Variants in WNK2 observed in about 807,000 individuals in gnomAD.
WNK2 encodes the protein serine/threonine-protein kinase WNK2.
A neutral mutation model predicts 192.1 loss-of-function variants in WNK2; 67 were observed. The ratio of observed to expected loss-of-function variants is 0.35; its 90% CI spans 0.29 to 0.43. WNK2 has a LOEUF of 0.43. WNK2 is among the 20% of genes least tolerant of loss of function. The pLI is 1.00. For missense variants in WNK2, 2,698 were observed against 3,089.7 expected (o/e 0.87, Z 3.01); for synonymous variants, 1,439 against 1,393.9 (o/e 1.03, Z -0.72).
chr9:93,302,342 C>T (rs1256630836), intron 26 of WNK2, among the ~76,000 whole-genome samples: 1 of 151,766 alleles, frequency 6.6e-6, no homozygotes, highest in Non-Finnish European at 1.5e-5. Context: ...ACGCTGAGGT[C>T]GGTGTATGGA....
intron 2 of WNK2, among the ~76,000 whole-genome samples, chr9:93,211,464 T>G (rs1255372078): frequency 7.3e-6 from 1 of 136,358 alleles, no homozygotes; most frequent in Admixed American, 7.2e-5. Flanking sequence ...ACCCACTCAT[T>G]CACTCCCATC....
chr9:93,259,141 C>A lies in WNK2; in HGVS notation c.2593C>A (p.Pro865Thr), dbSNP rs45534637. The A allele has an allele frequency of 1.9e-6, 3 of 1,611,458 alleles. No homozygotes were observed. The highest frequency in any genetic ancestry group is 2.7e-5 in the African/African-American group (2 of 74,846). The change falls in exon 12 of 30, where the codon CCT (proline) becomes ACT (threonine). Residue 865 changes from proline to threonine, a missense_variant. Pro to Thr is a conservative substitution (Grantham distance 38). This residue lies in a region of WNK2 where 893 missense variants were observed against 909.0 expected (regional missense o/e 0.98). Transcript: ENST00000427277. This position sits in a 1 kb window ranked among gnomAD's most constrained non-coding sequence, Gnocchi z 4.8. ...PLQAVKLPHP[P>T]GAPLAMPCRT... ...GCAGGCTGTGAAGCTGCCCCACCCC[C>A]CTGGGGCGCCCCTGGCCATGCCCTG...
chr9:93,187,481 C>T (rs972950124), intron 2 of WNK2, among the ~76,000 whole-genome samples: 4 of 152,156 alleles, frequency 2.6e-5, no homozygotes, highest in African/African-American at 9.7e-5. Flanking sequence ...ACATTTGTCC[C>T]TAGTCGATGT....
chr9:93,253,031 C>T lies in WNK2; in HGVS notation c.1983C>T (p.Val661=), dbSNP rs759202676. ...VCSPPVSEGP[V]LPQSLPSLGA... Reference sequence around the variant, plus strand: ...GCCCCCCTGTGAGCGAGGGGCCCGTCCTGCCGCAGAGCCTGCCCTCGCTGG... The same window carrying T: ...GCCCCCCTGTGAGCGAGGGGCCCGTTCTGCCGCAGAGCCTGCCCTCGCTGG... The change falls in exon 9 of 30, where the codon GTC becomes GTT. Residue 661 remains valine, a synonymous_variant. Coordinates refer to ENST00000427277, the MANE Select transcript of WNK2 (RefSeq NM_006648.4). The T allele has an allele frequency of 9.7e-6, 15 of 1,543,528 alleles. No homozygotes were observed. Among genetic ancestry groups the T allele is most frequent in the Admixed American group, 2.0e-5 (1 of 49,816 alleles).
intron 29 of WNK2, chr9:93,318,078 G>T: frequency 6.2e-7 from 1 of 1,607,510 alleles, no homozygotes. Flanking sequence ...TACTTGAGTT[G>T]ATGGTTAGAA....
At chr9:93,242,365 G>A (rs576235712) in intron 7 of WNK2, among the ~76,000 whole-genome samples, 1 of 152,364 alleles carries the variant, frequency 6.6e-6, no homozygotes, top group South Asian at 2.1e-4. Flanking sequence ...TAATGGGGTT[G>A]ATGAGCTCTG....
chr9:93,207,765 C>T (rs1335178420), intron 2 of WNK2, among the ~76,000 whole-genome samples: 1 of 152,274 alleles, frequency 6.6e-6, no homozygotes, highest in Non-Finnish European at 1.5e-5. Context: ...GCTGCCGGCA[C>T]CCACGCCCTC....
intron 2 of WNK2, among the ~76,000 whole-genome samples, chr9:93,212,136 G>A (rs1262767201): frequency 6.6e-6 from 1 of 152,172 alleles, no homozygotes; most frequent in African/African-American, 2.4e-5. Flanking sequence ...TTATTCACTG[G>A]CTTATTAATT....
At chr9:93,255,907 G>A (rs1160090960) in intron 9 of WNK2, among the ~76,000 whole-genome samples, 1 of 152,118 alleles carries the variant, frequency 6.6e-6, no homozygotes. Context: ...TCCAGGGCCC[G>A]TTTCTCTCCA....
intron 2 of WNK2, among the ~76,000 whole-genome samples, chr9:93,219,196 C>G (rs1836341540): frequency 6.6e-6 from 1 of 152,266 alleles, no homozygotes; most frequent in Non-Finnish European, 1.5e-5. Context: ...GGCCCTCTGA[C>G]AAGGTAGCTT....
chr9:93,275,066 GA>G (rs1846609799), intron 19 of WNK2, among the ~76,000 whole-genome samples: 3 of 152,094 alleles, frequency 2.0e-5, no homozygotes, highest in Non-Finnish European at 4.4e-5. Context: ...ATATTAAAAG[GA>G]CAGTGTGCCA....
chr9:93,186,609 GCAAGCTGTGTTCTGGGGCCGCTGGC>G (rs1829385121), intron 2 of WNK2, among the ~76,000 whole-genome samples: 1 of 152,232 alleles, frequency 6.6e-6, no homozygotes, highest in African/African-American at 2.4e-5. Context: ...GCTAGCTGGG[GCAAGCTGTGTTCTGGGGCCGCTGGC>G]CACACTGCGG....
intron 19 of WNK2, among the ~76,000 whole-genome samples, chr9:93,280,553 T>C (rs776088132): frequency 3.9e-5 from 6 of 152,220 alleles, no homozygotes; most frequent in South Asian, 2.1e-4. Flanking sequence ...TGCAAAGGAA[T>C]GTTCATAGCA....
At chr9:93,189,642 A>G (rs995208271) in intron 2 of WNK2, among the ~76,000 whole-genome samples, 5 of 152,196 alleles carry the variant, frequency 3.3e-5, no homozygotes, top group African/African-American at 7.2e-5. Flanking sequence ...CCATCCTCCA[A>G]GGACAGCCCA....
In WNK2 at chr9:93,258,976, A is replaced by T. The variant is rs1365114099; in HGVS notation, c.2428A>T (p.Ile810Phe). Reference protein sequence around the residue: ...VVPPITPLAGIDGLPPALPDL... With the variant: ...VVPPITPLAGFDGLPPALPDL... Reference sequence around the variant, plus strand: ...GCCCCCCATCACGCCCCTGGCGGGAATCGACGGCCTCCCTCCGGCCCTCCC... The same window carrying T: ...GCCCCCCATCACGCCCCTGGCGGGATTCGACGGCCTCCCTCCGGCCCTCCC... The change falls in exon 12 of 30, where the codon ATC (isoleucine) becomes TTC (phenylalanine). Residue 810 changes from isoleucine (I) to phenylalanine (F), a missense_variant. By Grantham distance (21) the Ile-to-Phe change is conservative (BLOSUM62 0). This residue lies in a region of WNK2 where 893 missense variants were observed against 909.0 expected (regional missense o/e 0.98). Coordinates refer to ENST00000427277, the MANE Select transcript of WNK2 (RefSeq NM_006648.4). The T allele has an allele frequency of 1.2e-6, 2 of 1,612,310 alleles. No individual in the cohort carries two copies. Among genetic ancestry groups the T allele is most frequent in the Non-Finnish European group, 1.7e-6 (2 of 1,179,586 alleles).
chr9:93,209,830 T>A (rs1205923067), intron 2 of WNK2, among the ~76,000 whole-genome samples: 1 of 152,160 alleles, frequency 6.6e-6, no homozygotes, highest in Admixed American at 6.5e-5. Context: ...AGATTCTCCA[T>A]GTCATCCTCC....
At chr9:93,209,971 T>G (rs527938056) in intron 2 of WNK2, among the ~76,000 whole-genome samples, 1 of 152,226 alleles carries the variant, frequency 6.6e-6, no homozygotes, top group Admixed American at 6.5e-5. Flanking sequence ...GACCTCTCTG[T>G]GGCCTGGGAG....
chr9:93,233,048 G>A lies in WNK2; in HGVS notation c.1076-1760G>A, dbSNP rs900401415. 2.7e-5 allele frequency among the ~76,000 whole-genome samples: 4 copies of A among 147,672 alleles called. No homozygotes were observed. In the South Asian group the frequency reaches 8.7e-4, roughly 32 times the overall value. Reference sequence around the variant, plus strand: ...GAAAGAAAAGAAAGAGAAAGAAAAAGAAATTGGCCCGGCATGGTGAACACC... The same window carrying A: ...GAAAGAAAAGAAAGAGAAAGAAAAAAAAATTGGCCCGGCATGGTGAACACC... On this transcript the variant is annotated intron_variant, in intron 4 of 29. Coordinates refer to ENST00000427277, the MANE Select transcript of WNK2 (RefSeq NM_006648.4).
intron 7 of WNK2, among the ~76,000 whole-genome samples, chr9:93,244,465 GA>G (rs35210867): frequency 2.0e-5 from 3 of 152,046 alleles, no homozygotes; most frequent in South Asian, 4.2e-4. Context: ...TCCTGTTTGG[GA>G]AAAAAAATAG....
Sources: gnomAD v4.1 joint callset for allele counts (sites outside exome capture counted in the v4.1 genomes callset) on GRCh38, gnomAD v4.1.1 for gene constraint, gnomAD v4.1.1 regional missense constraint, Gnocchi (gnomAD v3.1) non-coding constraint, MANE v1.5 for transcripts, NCBI Gene and HGNC (gene_info 2026-07-23, HGNC 2026-07-21) for gene names.